Variants in UBE2V2 observed in about 807,000 individuals in gnomAD.
The protein encoded by UBE2V2 is ubiquitin conjugating enzyme E2 V2, also known as ubiquitin-conjugating enzyme E2 variant 2.
Under a neutral mutation model 17.2 loss-of-function variants are expected in UBE2V2, and 9 were observed. The observed-to-expected ratio is 0.52, with a 90% CI of 0.32 to 0.91. The LOEUF (loss-of-function observed/expected upper bound fraction) is 0.91, where lower values mean the gene tolerates loss of function less well. Among genes scored for constraint, UBE2V2 ranks in the 40% least tolerant of loss-of-function variants. The pLI is 0.04. For missense variants in UBE2V2, 133 were observed against 182.6 expected (o/e 0.73, Z 1.56); for synonymous variants, 61 against 57.5 (o/e 1.06, Z -0.28).
chr8:48,050,115 C>A, intron 3 of UBE2V2, 137 bp downstream of exon 3: 1 of 586,172 alleles, frequency 1.7e-6, no homozygotes, highest in Non-Finnish European at 2.6e-6. Context: ...TTTGTTAAGC[C>A]AAAAGTCTAA....
intron 1 of UBE2V2, among the ~76,000 whole-genome samples, chr8:48,027,296 C>T (rs1038527757): frequency 2.6e-5 from 4 of 152,040 alleles, no homozygotes; most frequent in African/African-American, 7.2e-5. Flanking sequence ...CCACTCTGCC[C>T]GGGCCCAAAA....
At chr8:48,025,607 C>CTT (rs1362206354) in intron 1 of UBE2V2, among the ~76,000 whole-genome samples, 1 of 134,574 alleles carries the variant, frequency 7.4e-6, no homozygotes, top group Non-Finnish European at 1.6e-5. Flanking sequence ...TTTTTTCTTT[C>CTT]TTTTTTTTTT....
At chr8:48,002,089 GA>G in the UBE2V2 span, among the ~76,000 whole-genome samples, 29 of 139,924 alleles carry the variant, frequency 2.1e-4, no homozygotes, top group East Asian at 8.2e-4. Context: ...CTCCGACTCA[GA>G]AAAAAAAAAA....
chr8:48,053,311 A>C (rs534291199), intron 3 of UBE2V2, among the ~76,000 whole-genome samples: 6 of 152,320 alleles, frequency 3.9e-5, no homozygotes, highest in Admixed American at 6.5e-5. Flanking sequence ...TTTTAAAAGA[A>C]ATGTTTCTAA....
chr8:48,025,746 C>T (rs544621892), intron 1 of UBE2V2, among the ~76,000 whole-genome samples: 2 of 152,038 alleles, frequency 1.3e-5, no homozygotes, highest in African/African-American at 2.4e-5. Context: ...ACTATAGGCA[C>T]CCGCCACCAC....
rs748786860 is a variant in UBE2V2 at position 48,043,106 on chromosome 8, A to G, written c.90A>G (p.Thr30=). 1.9e-6 allele frequency: 3 copies of G among 1,601,750 alleles called. No homozygotes were observed. Among genetic ancestry groups the G allele is most frequent in the South Asian group, 1.1e-5 (1 of 88,710 alleles). The part of the protein sequence containing the change: ...EEGQKGVGDG[T]VSWGLEDDED... ...GACAAAAAGGAGTAGGCGACGGTAC[A>G]GTTAGCTGGGGCCTTGAAGATGATG... Residue 30 remains threonine, a synonymous_variant, in exon 2 of 4, where the codon ACA becomes ACG. Transcript: ENST00000523111.
intron 3 of UBE2V2, among the ~76,000 whole-genome samples, chr8:48,059,142 C>T (rs1389582508): frequency 6.6e-6 from 1 of 151,686 alleles, no homozygotes; most frequent in Non-Finnish European, 1.5e-5. Flanking sequence ...ACTGTGTTGC[C>T]CAGGCTGTTC....
chr8:48,023,248 G>A (rs1172104924), intron 1 of UBE2V2, among the ~76,000 whole-genome samples: 1 of 146,296 alleles, frequency 6.8e-6, no homozygotes, highest in Non-Finnish European at 1.5e-5. Flanking sequence ...ACAGAGTATT[G>A]CTCTATCGCC....
intron 2 of UBE2V2, among the ~76,000 whole-genome samples, chr8:48,048,839 T>C (rs80148994): frequency 0.053 from 7,985 of 152,092 alleles, 704 homozygotes; most frequent in African/African-American, 0.18. Context: ...CCAGCAGATA[T>C]TAAATTTTTC....
intron 1 of UBE2V2, among the ~76,000 whole-genome samples, chr8:48,032,906 A>G (rs914809291): frequency 6.6e-6 from 1 of 152,054 alleles, no homozygotes; most frequent in African/African-American, 2.4e-5. Flanking sequence ...AGGATTCTGG[A>G]ACAGTTTTCC....
intron 1 of UBE2V2, among the ~76,000 whole-genome samples, chr8:48,037,858 AC>A: frequency 6.6e-6 from 1 of 152,202 alleles, no homozygotes; most frequent in Admixed American, 6.5e-5. Context: ...AACAGCTGAT[AC>A]TTTTCTCCTC....
At chr8:48,042,843 C>G in intron 1 of UBE2V2, 190 bp from the exon 2 acceptor site, 1 of 465,702 alleles carries the variant, frequency 2.1e-6, no homozygotes, top group Non-Finnish European at 3.6e-6. Flanking sequence ...TGGTACAGTG[C>G]TTTCTTTAGT....
At chr8:48,021,066 A>G (rs1589852370) in intron 1 of UBE2V2, among the ~76,000 whole-genome samples, 1 of 141,268 alleles carries the variant, frequency 7.1e-6, no homozygotes, top group South Asian at 2.3e-4. Context: ...TTTATGTTTT[A>G]TCTATTATAG....
In UBE2V2 at chr8:48,060,936, G is replaced by A; in HGVS notation, c.*108G>A. The A allele has an allele frequency of 9.6e-7, 1 of 1,041,400 alleles. No homozygotes were observed. The highest frequency in any genetic ancestry group is 1.3e-6 in the Non-Finnish European group (1 of 784,736). The allele number at this position is 1,041,400 out of a possible 1,614,324, so 64.5% of individuals were successfully genotyped here. A position where few individuals can be genotyped will look rare whatever the true frequency, so the allele number is the denominator to read the frequency against. ...CACATTAAGTAAAAGAATTCCAGCT[G>A]GTAAACATGACCTGGACATTTGTAA... On this transcript the variant is annotated 3_prime_UTR_variant, in exon 4 of 4. Coordinates refer to ENST00000523111, the MANE Select transcript of UBE2V2 (RefSeq NM_003350.3).
At chr8:48,056,195 T>C (rs1371519623) in intron 3 of UBE2V2, among the ~76,000 whole-genome samples, 2 of 152,236 alleles carry the variant, frequency 1.3e-5, no homozygotes, top group Admixed American at 6.5e-5. Context: ...CTTTATTCCT[T>C]TTTATTGTTG....
chr8:48,013,799 G>A (rs548253320), intron 1 of UBE2V2, among the ~76,000 whole-genome samples: 1 of 152,336 alleles, frequency 6.6e-6, no homozygotes, highest in Admixed American at 6.5e-5. Context: ...GCCTTCTTCA[G>A]AAGTGGGTAG....
chr8:48,033,079 A>G (rs965210170), intron 1 of UBE2V2, among the ~76,000 whole-genome samples: 9 of 152,194 alleles, frequency 5.9e-5, no homozygotes, highest in African/African-American at 1.7e-4. Flanking sequence ...GAGTAAAGTT[A>G]TCACATGAAG....
intron 3 of UBE2V2, among the ~76,000 whole-genome samples, chr8:48,056,898 T>C (rs1286446885): frequency 6.6e-6 from 1 of 150,826 alleles, no homozygotes; most frequent in Non-Finnish European, 1.5e-5. Flanking sequence ...TAATTTTTTG[T>C]ATTTTTAGTA....
chr8:48,028,786 C>T (rs2091364013), intron 1 of UBE2V2, among the ~76,000 whole-genome samples: 2 of 152,098 alleles, frequency 1.3e-5, no homozygotes, highest in Non-Finnish European at 2.9e-5. Flanking sequence ...GCACCCGACC[C>T]CTTTACCCAT....
Sources: gnomAD v4.1 joint callset for allele counts (sites outside exome capture counted in the v4.1 genomes callset) on GRCh38, gnomAD v4.1.1 for gene constraint, MANE v1.5 for transcripts, NCBI Gene and HGNC (gene_info 2026-07-23, HGNC 2026-07-21) for gene names.